IGLL5: variants seen among roughly 807,000 people sequenced by gnomAD.
IGLL5 encodes the protein immunoglobulin lambda-like polypeptide 5.
IGLL5 carries 30 observed loss-of-function variants against 20.9 expected under a neutral mutation model. The ratio of observed to expected loss-of-function variants is 1.44; its 90% confidence interval spans 1.07 to 1.95. The LOEUF (loss-of-function observed/expected upper bound fraction) is 1.95, where lower values mean the gene tolerates loss of function less well. Ranked by LOEUF, IGLL5 falls within the 30% of genes most tolerant of loss-of-function variation. The pLI is 0.00. For missense variants in IGLL5, 475 were observed against 270.7 expected, an observed-to-expected ratio of 1.75 and a Z score of -5.30; for synonymous variants, 203 against 117.3, an observed-to-expected ratio of 1.73 and a Z score of -4.72.
At chr22:22,889,918 A>C (rs572004604) in intron 1 of IGLL5, among the ~76,000 whole-genome samples, 1 of 151,322 alleles carries the variant, frequency 6.6e-6, no homozygotes, top group East Asian at 2.0e-4. Flanking sequence ...TAAAGTATAT[A>C]TGCATTTTCA....
At chr22:22,889,718 G>C (rs569473934) in intron 1 of IGLL5, among the ~76,000 whole-genome samples, 1 of 151,250 alleles carries the variant, frequency 6.6e-6, no homozygotes. Context: ...CTCCTGAGTA[G>C]CTAGGACTAC....
chr22:22,888,797 A>C (rs737884), intron 1 of IGLL5, among the ~76,000 whole-genome samples: 4 of 151,394 alleles, frequency 2.6e-5, no homozygotes, highest in South Asian at 4.2e-4. Context: ...GGGTGGGATG[A>C]ACCGAGGGGA....
At chr22:22,894,273 C>T (rs759225828) in intron 2 of IGLL5, among the ~76,000 whole-genome samples, 6 of 150,756 alleles carry the variant, frequency 4.0e-5, no homozygotes, top group South Asian at 2.1e-4. Flanking sequence ...GGATGCCAAT[C>T]CAGCCTGGGA....
In IGLL5 at chr22:22,888,400, G is replaced by A. The variant is rs1354716087; in HGVS notation, c.206+141G>A. On this transcript the variant is annotated intron_variant, in intron 1 of 2. Transcript: ENST00000526893. ...TGGGCTGACACTGGCTTTAGTAATG[G>A]GTTGATATTTTGTCCATCACAGATT... 4.7e-5 allele frequency: 31 copies of A among 666,386 alleles called. 1 individual carries two copies. The highest frequency in any genetic ancestry group is 1.2e-4 in the Admixed American group (4 of 33,908). 41.3% of individuals were successfully genotyped at this position (666,386 alleles called of 1,614,324 possible). A position where few individuals can be genotyped will look rare whatever the true frequency, so the allele number is the denominator to read the frequency against.
intron 2 of IGLL5, among the ~76,000 whole-genome samples, 178 bp downstream of exon 2, chr22:22,893,996 T>A (rs2067963755): frequency 6.7e-6 from 1 of 150,308 alleles, no homozygotes; most frequent in Middle Eastern, 3.7e-3. Context: ...AGGAAGGGCC[T>A]CCACAGTGGG....
intron 2 of IGLL5, among the ~76,000 whole-genome samples, chr22:22,894,463 C>T (rs188266452): frequency 4.6e-5 from 7 of 151,324 alleles, no homozygotes; most frequent in East Asian, 4.0e-4. Context: ...AGGACAGTCA[C>T]CAGAAAGGAG....
At chr22:22,888,926 T>C (rs2067665262) in intron 1 of IGLL5, among the ~76,000 whole-genome samples, 2 of 151,232 alleles carry the variant, frequency 1.3e-5, no homozygotes, top group South Asian at 2.1e-4. Flanking sequence ...TGGCTGGTGA[T>C]GGGTGCCCCC....
At position 22,896,045 on chromosome 22, in the gene IGLL5, A is replaced by G. The variant is rs2066759719; in HGVS notation, c.*351A>G. 5 of 462,324 alleles carry G rather than the reference A, an allele frequency of 1.1e-5. No individual in the cohort carries two copies. The highest frequency in any genetic ancestry group is 2.0e-5 in the African/African-American group (1 of 50,684). The allele number at this position is 462,324 out of a possible 1,614,324, so 28.6% of individuals were successfully genotyped here. A position where few individuals can be genotyped will look rare whatever the true frequency, so the allele number is the denominator to read the frequency against. ...ACCCCTGAGCTACCAGTCTGGCATCAGTTCAGACCAGTCCCACACCCTCCT... is the reference window on the plus strand; with the variant it reads ...ACCCCTGAGCTACCAGTCTGGCATCGGTTCAGACCAGTCCCACACCCTCCT... On this transcript the variant is annotated 3_prime_UTR_variant, in exon 3 of 3. Coordinates refer to ENST00000526893, the MANE Select transcript of IGLL5 (RefSeq NM_001178126.2).
chr22:22,894,278 C>T (rs2068010344), intron 2 of IGLL5, among the ~76,000 whole-genome samples: 2 of 151,012 alleles, frequency 1.3e-5, no homozygotes, highest in Admixed American at 6.6e-5. Flanking sequence ...CCAATCCAGC[C>T]TGGGAGGGCC....
In IGLL5 at chr22:22,893,780, GT is replaced by G. The variant is rs776082371; in HGVS notation, c.289del (p.Tyr97MetfsTer12). 1 of 1,605,460 alleles carries G rather than the reference GT, an allele frequency of 6.2e-7. No homozygotes were observed. Among genetic ancestry groups the G allele is most frequent in the Admixed American group, 1.7e-5 (1 of 58,774 alleles). On this transcript the variant is annotated frameshift_variant, in exon 2 of 3. Coordinates refer to ENST00000526893, the MANE Select transcript of IGLL5 (RefSeq NM_001178126.2). LOFTEE classifies it high-confidence loss of function. ...TTTTGGTCTGAGCCTCAGTCACTGTGTTATGTCTTCGGAACTGGGACCAAGG... is the reference window on the plus strand; with the variant it reads ...TTTTGGTCTGAGCCTCAGTCACTGTGTATGTCTTCGGAACTGGGACCAAGG... The part of the protein sequence containing the change: ...RGFWSEPQSL[C>X]YVFGTGTKVT...
intron 1 of IGLL5, among the ~76,000 whole-genome samples, chr22:22,889,471 T>A (rs574491521): frequency 6.6e-6 from 1 of 151,346 alleles, no homozygotes; most frequent in Admixed American, 6.6e-5. Flanking sequence ...ATCAAAGCTG[T>A]AACCAAATCT....
intron 1 of IGLL5, among the ~76,000 whole-genome samples, chr22:22,889,543 A>G (rs1310368781): frequency 6.6e-6 from 1 of 151,230 alleles, no homozygotes; most frequent in South Asian, 2.1e-4. Context: ...AAAAATCCAA[A>G]TATCTACCAG....
Position 22,895,739 on chromosome 22 carries a change from T to A in IGLL5, c.*45T>A, listed in dbSNP as rs1267813143. The A allele has an allele frequency of 2.5e-6, 4 of 1,594,968 alleles. No homozygotes were observed. Among genetic ancestry groups the A allele is most frequent in the Non-Finnish European group, 3.4e-6 (4 of 1,163,430 alleles). ...CCCACGGGAGCCTGGAGCTGCAGGA[T>A]CCCAGGGGAGGGGTCTCTCTCCCCA... On this transcript the variant is annotated 3_prime_UTR_variant, in exon 3 of 3. Transcript: ENST00000526893.
At chr22:22,894,495 G>A (rs2066661068) in intron 2 of IGLL5, among the ~76,000 whole-genome samples, 1 of 151,510 alleles carries the variant, frequency 6.6e-6, no homozygotes, top group Middle Eastern at 3.7e-3. Flanking sequence ...GGGCAGAGAT[G>A]TGTCTGTCCC....
At chr22:22,894,445 A>T (rs137994100) in intron 2 of IGLL5, among the ~76,000 whole-genome samples, 5 of 151,282 alleles carry the variant, frequency 3.3e-5, no homozygotes, top group East Asian at 2.0e-4. Context: ...CCAGAATCCA[A>T]CCCTCCCAGG....
At chr22:22,893,290 A>G (rs1402760197) in intron 1 of IGLL5, among the ~76,000 whole-genome samples, 3 of 151,184 alleles carry the variant, frequency 2.0e-5, no homozygotes, top group Non-Finnish European at 4.4e-5. Flanking sequence ...CCATGGGTAG[A>G]AAGCAGAGGA....
Position 22,895,951 on chromosome 22 carries a change from A to G in IGLL5, c.*257A>G, listed in dbSNP as rs2066758245. 2 of 581,864 alleles carry G rather than the reference A, an allele frequency of 3.4e-6. No homozygotes were observed. Among genetic ancestry groups the G allele is most frequent in the Non-Finnish European group, 6.1e-6 (2 of 327,388 alleles). The allele number at this position is 581,864 out of a possible 1,614,324, so 36.0% of individuals were successfully genotyped here. A position where few individuals can be genotyped will look rare whatever the true frequency, so the allele number is the denominator to read the frequency against. ...AAATCACCCAAGGGAGGAGGCTCAC[A>G]GCCTCCCTGAGTCATCTCCCCAGAG... On this transcript the variant is annotated 3_prime_UTR_variant, in exon 3 of 3. Coordinates refer to ENST00000526893, the MANE Select transcript of IGLL5 (RefSeq NM_001178126.2).
intron 1 of IGLL5, among the ~76,000 whole-genome samples, chr22:22,890,059 T>C (rs2067771569): frequency 1.3e-5 from 2 of 150,760 alleles, no homozygotes; most frequent in East Asian, 4.1e-4. Flanking sequence ...ACATTTCTTC[T>C]AATATAATTT....
chr22:22,893,969 G>C (rs2067958639), intron 2 of IGLL5, 151 bp downstream of exon 2: 5 of 168,054 alleles, frequency 3.0e-5, no homozygotes, highest in East Asian at 3.9e-4. Flanking sequence ...AGGTGCATTA[G>C]TCTCCGGGTA....
Sources: allele counts gnomAD v4.1 joint callset (sites outside exome capture counted in the v4.1 genomes callset), GRCh38; gene constraint gnomAD v4.1.1; transcripts MANE v1.5; gene names NCBI Gene and HGNC (gene_info 2026-07-23, HGNC 2026-07-21).